The following TGM7 variants were observed in gnomAD, a reference collection of about 807,000 sequenced individuals.
The protein encoded by TGM7 is protein-glutamine gamma-glutamyltransferase Z.
A neutral mutation model predicts 79.5 loss-of-function variants in TGM7; 74 were observed. The ratio of observed to expected loss-of-function variants is 0.93; its 90% confidence interval spans 0.77 to 1.13. TGM7 has a LOEUF of 1.13. Among genes scored for constraint, TGM7 ranks in the 50% most tolerant of loss-of-function variants. The probability of loss-of-function intolerance (pLI) is 0.00; values close to 1 mark genes in which losing one functional copy is unlikely to be tolerated. For missense variants in TGM7, 912 were observed against 905.9 expected (o/e 1.01, Z -0.09); for synonymous variants, 354 against 362.5 (o/e 0.98, Z 0.27).
intron 2 of TGM7, 131 bp downstream of exon 2, chr15:43,293,318 G>A (rs998370708): frequency 1.7e-6 from 2 of 1,207,426 alleles, no homozygotes; most frequent in Non-Finnish European, 2.3e-6. Context: ...CTGAGCATGA[G>A]GGGTCTGGGG....
chr15:43,294,839 A>G (rs1329652031), intron 1 of TGM7, among the ~76,000 whole-genome samples: 1 of 151,762 alleles, frequency 6.6e-6, no homozygotes, highest in Non-Finnish European at 1.5e-5. Context: ...TTTTTGTGCC[A>G]TTTGTATTTT....
At chr15:43,285,056 C>T (rs2042928498) in intron 6 of TGM7, 104 bp from the exon 7 acceptor site, 10 of 1,360,574 alleles carry the variant, frequency 7.3e-6, no homozygotes, top group African/African-American at 1.4e-5. Context: ...AAAGCCAAGA[C>T]GCTTACGGAA....
At chr15:43,280,398 T>A (rs1045667584) in intron 9 of TGM7, among the ~76,000 whole-genome samples, 8 of 151,982 alleles carry the variant, frequency 5.3e-5, no homozygotes, top group African/African-American at 1.9e-4. Context: ...TTGAGATGGG[T>A]GGATCGCCTG....
chr15:43,277,446 G>A (rs942413958), intron 11 of TGM7, among the ~76,000 whole-genome samples: 4 of 152,184 alleles, frequency 2.6e-5, no homozygotes, highest in South Asian at 2.1e-4. Flanking sequence ...CTGCCCTTAC[G>A]CTCATCACCG....
rs1222105026 is a variant in TGM7, at chr15:43,287,617, T to G, written c.611A>C (p.Tyr204Ser). Residue 204 changes from tyrosine to serine, a missense_variant, in exon 5 of 13, where the codon TAT becomes TCT. Coordinates refer to ENST00000452443, the MANE Select transcript of TGM7 (RefSeq NM_052955.3). ...ICFEILNKSL[Y>S]HLKNPAKDCS... ...GTCTTTGGCCGGGTTCTTTAAGTGA[T>G]ACAGGCTCTTGTTCAGGATCTCAAA... 6.2e-7 allele frequency: 1 copy of G among 1,614,166 alleles called. No individual in the cohort carries two copies. The highest frequency in any genetic ancestry group is 2.2e-5 in the East Asian group (1 of 44,884).
At chr15:43,295,543 T>A (rs924292010) in intron 1 of TGM7, among the ~76,000 whole-genome samples, 2 of 152,110 alleles carry the variant, frequency 1.3e-5, no homozygotes, top group African/African-American at 4.8e-5. Context: ...TGAGCCAGGA[T>A]TGCCCCATTG....
In TGM7 at chr15:43,292,696, G is replaced by T. The variant is rs757842729; in HGVS notation, c.439+13C>A. On this transcript the variant is annotated intron_variant, in intron 3 of 12. Transcript: ENST00000452443. ...GGATCAGGTTAGCAATACAAGCTGT[G>T]GGCACATCCTACCTGGACTCCAAGG... 1.9e-6 allele frequency: 3 copies of T among 1,613,498 alleles called. No individual in the cohort carries two copies. Among genetic ancestry groups the T allele is most frequent in the African/African-American group, 1.3e-5 (1 of 75,044 alleles).
At chr15:43,296,149 G>A (rs2042990812) in intron 1 of TGM7, among the ~76,000 whole-genome samples, 1 of 152,184 alleles carries the variant, frequency 6.6e-6, no homozygotes, top group African/African-American at 2.4e-5. Flanking sequence ...AAAGCAGCCG[G>A]GTGAGGTGGC....
chr15:43,296,228 A>G (rs902093575), intron 1 of TGM7, among the ~76,000 whole-genome samples: 3 of 152,144 alleles, frequency 2.0e-5, no homozygotes, highest in South Asian at 4.1e-4. Flanking sequence ...GATTGAGACC[A>G]TCCTGGCTAA....
intron 7 of TGM7, among the ~76,000 whole-genome samples, chr15:43,284,595 A>T (rs2042925519): frequency 6.6e-6 from 1 of 152,226 alleles, no homozygotes; most frequent in Admixed American, 6.5e-5. Flanking sequence ...AGGCCCCAGA[A>T]TGTTATCCCA....
At chr15:43,298,740 A>G (rs940032343) in intron 1 of TGM7, among the ~76,000 whole-genome samples, 1 of 152,184 alleles carries the variant, frequency 6.6e-6, no homozygotes, top group African/African-American at 2.4e-5. Flanking sequence ...TGGCAGAGCG[A>G]GACTCCATCT....
chr15:43,290,514 G>A (rs1273203504), intron 4 of TGM7, among the ~76,000 whole-genome samples: 1 of 152,178 alleles, frequency 6.6e-6, no homozygotes, highest in Non-Finnish European at 1.5e-5. Context: ...CTCCAGCTTT[G>A]TTCTTTTGGC....
intron 1 of TGM7, among the ~76,000 whole-genome samples, chr15:43,294,316 C>T (rs1408801253): frequency 6.6e-6 from 1 of 152,152 alleles, no homozygotes; most frequent in African/African-American, 2.4e-5. Context: ...GTGTGCACAC[C>T]TGGTACATGG....
intron 8 of TGM7, 80 bp from the exon 9 acceptor site, chr15:43,282,166 C>T (rs1225511890): frequency 1.6e-5 from 25 of 1,559,316 alleles, no homozygotes; most frequent in East Asian, 1.4e-4. Context: ...GGATAGGCAG[C>T]GGCACCACTG....
At chr15:43,278,855 G>T (rs1344418629) in intron 11 of TGM7, among the ~76,000 whole-genome samples, 1 of 152,216 alleles carries the variant, frequency 6.6e-6, no homozygotes, top group East Asian at 1.9e-4. Context: ...TTTGCAAAAT[G>T]ATTTCCTTAC....
Position 43,279,645 on chromosome 15 carries a change from A to C in TGM7, c.1658T>G (p.Met553Arg), listed in dbSNP as rs758160390. Residue 553 changes from methionine (M) to arginine (R), a missense_variant, in exon 10 of 13, where the codon ATG becomes AGG. By Grantham distance (91) the Met-to-Arg change is moderately conservative (BLOSUM62 -1). Transcript: ENST00000452443. ...CTCACCCTTCCCAAAGTCCAGGTTCATCCGCACTGTGTGCCTCCAGAAGGG... is the reference window on the plus strand; with the variant it reads ...CTCACCCTTCCCAAAGTCCAGGTTCCTCCGCACTGTGTGCCTCCAGAAGGG... ...QKPFWRHTVR[M>R]NLDFGKETQW... The C allele has an allele frequency of 6.2e-7, 1 of 1,603,590 alleles. No individual in the cohort carries two copies. Among genetic ancestry groups the C allele is most frequent in the East Asian group, 2.2e-5 (1 of 44,686 alleles).
In TGM7 at chr15:43,276,548, T is replaced by G; in HGVS notation, c.2040A>C (p.Gly680=). The G allele has an allele frequency of 1.2e-6, 2 of 1,613,996 alleles. No homozygotes were observed. Among genetic ancestry groups the G allele is most frequent in the Non-Finnish European group, 1.7e-6 (2 of 1,179,976 alleles). Residue 680 remains glycine, a synonymous_variant, in exon 13 of 13, where the codon GGA becomes GGC. Transcript: ENST00000452443. ...IQLDLYPTKA[G]PRQLQVLISS... is the part of the protein sequence containing the mutation. ...TGATGAGAACCTGGAGCTGGCGGGG[T>G]CCAGCTTTGGTCGGGTAGAGGTCCA...
rs370583191 is a variant in TGM7 at position 43,296,201 on chromosome 15, A to G, written c.11-2570T>C. 2.6e-3 allele frequency among the ~76,000 whole-genome samples: 400 copies of G among 152,280 alleles called. 2 individuals carry two copies. Among genetic ancestry groups the G allele is most frequent in the African/African-American group, 8.9e-3 (368 of 41,558 alleles). On this transcript the variant is annotated intron_variant, in intron 1 of 12. Coordinates refer to ENST00000452443, the MANE Select transcript of TGM7 (RefSeq NM_052955.3). Reference sequence around the variant, plus strand: ...AGCACTTTGGGAGGCCAAGGCGGGCAGATCACGAGGTCAGGAGATTGAGAC... The same window carrying G: ...AGCACTTTGGGAGGCCAAGGCGGGCGGATCACGAGGTCAGGAGATTGAGAC...
At chr15:43,278,651 G>A (rs576574044) in intron 11 of TGM7, among the ~76,000 whole-genome samples, 1 of 152,228 alleles carries the variant, frequency 6.6e-6, no homozygotes, top group South Asian at 2.1e-4. Context: ...GCAAGGTCTC[G>A]CTATGTTGCC....
Sources: gnomAD v4.1 joint callset for allele counts (sites outside exome capture counted in the v4.1 genomes callset) on GRCh38, gnomAD v4.1.1 for gene constraint, MANE v1.5 for transcripts, NCBI Gene and HGNC (gene_info 2026-07-23, HGNC 2026-07-21) for gene names.